BBX: variants seen among roughly 807,000 people sequenced by gnomAD.
The protein encoded by BBX is HMG box transcription factor BBX.
A neutral mutation model predicts 100.2 loss-of-function variants in BBX; 30 were observed. The ratio of observed to expected loss-of-function variants is 0.30; its 90% CI spans 0.22 to 0.41. The LOEUF is 0.41. Ranked by LOEUF, BBX falls within the 10% of genes least tolerant of loss-of-function variation. BBX has a pLI of 1.00. For synonymous variants in BBX, 376 were observed against 388.1 expected (o/e 0.97, Z 0.37); for missense variants, 1,023 against 1,129.8 (o/e 0.91, Z 1.35).
intron 3 of BBX, among the ~76,000 whole-genome samples, chr3:107,683,569 A>G (rs1430176009): frequency 2.6e-5 from 4 of 152,076 alleles, no homozygotes; most frequent in African/African-American, 9.7e-5. Context: ...TGCTTTCTTA[A>G]CTTTGCTGCA....
intron 2 of BBX, among the ~76,000 whole-genome samples, chr3:107,557,384 A>G (rs1252355784): frequency 6.6e-6 from 1 of 152,226 alleles, no homozygotes; most frequent in Non-Finnish European, 1.5e-5. Context: ...AAAGCCTAAC[A>G]TTAGTTAGAG....
At chr3:107,772,143 A>G (rs375671835) in intron 10 of BBX, among the ~76,000 whole-genome samples, 3 of 152,178 alleles carry the variant, frequency 2.0e-5, no homozygotes, top group Admixed American at 6.5e-5. Flanking sequence ...AGCATTTCGG[A>G]TAAGGGATAT....
intron 13 of BBX, among the ~76,000 whole-genome samples, chr3:107,781,947 G>A (rs936701325): frequency 6.6e-6 from 1 of 152,110 alleles, no homozygotes; most frequent in African/African-American, 2.4e-5. Context: ...TCTGTTTGAG[G>A]TGGGGCCAAG....
chr3:107,626,424 T>A (rs2056179219), intron 2 of BBX, among the ~76,000 whole-genome samples: 2 of 152,220 alleles, frequency 1.3e-5, no homozygotes, highest in South Asian at 4.1e-4. Flanking sequence ...GAACATTCAT[T>A]CTCTCACAGT....
chr3:107,773,586 C>T lies in BBX; in HGVS notation c.1865C>T (p.Thr622Ile). The T allele has an allele frequency of 1.2e-6, 2 of 1,613,806 alleles. No individual in the cohort carries two copies. Among genetic ancestry groups the T allele is most frequent in the Non-Finnish European group, 1.7e-6 (2 of 1,179,882 alleles). ...TCTTGCAAAGGTGCTCTTTATAAAA[C>T]CCTGGTGTCTGAGGGCATGCTCACC... ...ERSCKGALYK[T>I]LVSEGMLTSL... Residue 622 changes from threonine (T) to isoleucine (I), a missense_variant, in exon 11 of 18, where the codon ACC becomes ATC. Thr to Ile is a moderately conservative substitution (Grantham distance 89). Around this residue, in one of 9 missense-constraint regions of BBX, gnomAD observed 5 missense variants for 28.2 expected, o/e 0.18. Coordinates refer to ENST00000325805, the MANE Select transcript of BBX (RefSeq NM_001142568.3). The surrounding 1 kb of genome is among the most constrained non-coding windows in gnomAD (Gnocchi z 4.1).
At chr3:107,601,912 G>C (rs1158056555) in intron 2 of BBX, among the ~76,000 whole-genome samples, 1 of 152,190 alleles carries the variant, frequency 6.6e-6, no homozygotes, top group African/African-American at 2.4e-5. Context: ...CAAAGGACAG[G>C]CTGACTCTTT....
chr3:107,666,066 TCACGTGAC>T (rs2058726012), intron 3 of BBX, among the ~76,000 whole-genome samples: 1 of 152,220 alleles, frequency 6.6e-6, no homozygotes, highest in Non-Finnish European at 1.5e-5. Flanking sequence ...CTCCAGATTC[TCACGTGAC>T]TAATATTTCC....
chr3:107,555,662 G>A (rs1290834796), intron 2 of BBX, among the ~76,000 whole-genome samples: 1 of 152,218 alleles, frequency 6.6e-6, no homozygotes, highest in Non-Finnish European at 1.5e-5. Context: ...AAAGGCATCT[G>A]TAACACTGCT....
chr3:107,613,925 G>A (rs902548926), intron 2 of BBX, among the ~76,000 whole-genome samples: 1 of 149,424 alleles, frequency 6.7e-6, no homozygotes, highest in Admixed American at 6.7e-5. Flanking sequence ...CTGAAATTCA[G>A]GGTCAACATA....
At chr3:107,648,929 T>A (rs1022805638) in intron 3 of BBX, among the ~76,000 whole-genome samples, 29 of 152,202 alleles carry the variant, frequency 1.9e-4, no homozygotes, top group African/African-American at 6.3e-4. Context: ...TGCTTAGACA[T>A]CTGTATTAGT....
At chr3:107,569,893 G>A (rs554932457) in intron 2 of BBX, among the ~76,000 whole-genome samples, 96 of 152,320 alleles carry the variant, frequency 6.3e-4, no homozygotes, top group Non-Finnish European at 9.6e-4. Context: ...ATTGGGCAGC[G>A]TCAGTCTTCA....
At chr3:107,532,133 G>A (rs2048203152) in intron 2 of BBX, among the ~76,000 whole-genome samples, 1 of 152,064 alleles carries the variant, frequency 6.6e-6, no homozygotes, top group Non-Finnish European at 1.5e-5. Context: ...GGTTGAGGCT[G>A]CGGTGAGCCA....
intron 6 of BBX, among the ~76,000 whole-genome samples, chr3:107,730,444 A>G (rs1307737472): frequency 6.6e-6 from 1 of 150,758 alleles, no homozygotes; most frequent in African/African-American, 2.4e-5. Flanking sequence ...TTTTTCTCCC[A>G]ATTCTCAGTC....
chr3:107,661,147 GA>G (rs1163888905), intron 3 of BBX, among the ~76,000 whole-genome samples: 8 of 152,046 alleles, frequency 5.3e-5, no homozygotes, highest in African/African-American at 1.7e-4. Context: ...TTTTTATGCA[GA>G]TTTTTTTATG....
At chr3:107,527,743 A>C (rs1486641197) in intron 2 of BBX, among the ~76,000 whole-genome samples, 8 of 152,206 alleles carry the variant, frequency 5.3e-5, no homozygotes. Context: ...GGCCAATCGG[A>C]GTGTCAAAAT....
At chr3:107,781,462 C>T (rs2067886149) in intron 13 of BBX, among the ~76,000 whole-genome samples, 1 of 152,216 alleles carries the variant, frequency 6.6e-6, no homozygotes, top group African/African-American at 2.4e-5. Context: ...CAATGCAATT[C>T]AGCTGAATCA....
At chr3:107,749,366 A>C (rs2064881863) in intron 9 of BBX, among the ~76,000 whole-genome samples, 1 of 152,212 alleles carries the variant, frequency 6.6e-6, no homozygotes, top group Non-Finnish European at 1.5e-5. Context: ...ATTTATTTTT[A>C]ATGTTGATGT....
intron 2 of BBX, among the ~76,000 whole-genome samples, chr3:107,635,978 G>A (rs1382826095): frequency 6.6e-6 from 1 of 152,162 alleles, no homozygotes; most frequent in Non-Finnish European, 1.5e-5. Flanking sequence ...CCAAAGTGTT[G>A]AGACTACAGG....
intron 1 of BBX, among the ~76,000 whole-genome samples, chr3:107,525,899 C>T (rs999657939): frequency 1.5e-4 from 23 of 152,314 alleles, no homozygotes; most frequent in African/African-American, 5.3e-4. Context: ...CACCTCCCGC[C>T]GTCTCCTGGG....
Sources: allele counts gnomAD v4.1 joint callset (sites outside exome capture counted in the v4.1 genomes callset), GRCh38; gene constraint gnomAD v4.1.1; regional missense constraint gnomAD v4.1.1; non-coding constraint Gnocchi (gnomAD v3.1); transcripts MANE v1.5; gene names NCBI Gene and HGNC (gene_info 2026-07-23, HGNC 2026-07-21).